Variants in MACROD2 observed in about 807,000 individuals in gnomAD.
MACROD2 encodes ADP-ribose glycohydrolase MACROD2.
MACROD2 carries 36 observed loss-of-function variants against 70.4 expected under a neutral mutation model. That is an observed-to-expected ratio of 0.51 (90% CI 0.39 to 0.68). The LOEUF (loss-of-function observed/expected upper bound fraction) is 0.68. MACROD2 is among the 30% of genes least tolerant of loss of function. The pLI is 0.00. For missense variants in MACROD2, 496 were observed against 538.4 expected, an observed-to-expected ratio of 0.92 and a Z score of 0.78; for synonymous variants, 172 against 178.8, an observed-to-expected ratio of 0.96 and a Z score of 0.30.
chr20:15,354,364 C>T (rs981888886), intron 6 of MACROD2, among the ~76,000 whole-genome samples: 10 of 151,354 alleles, frequency 6.6e-5, no homozygotes, highest in Admixed American at 3.3e-4. Flanking sequence ...GTGGGGGTAG[C>T]GGGGAGGGAT....
intron 8 of MACROD2, among the ~76,000 whole-genome samples, chr20:15,569,824 T>G (rs1006037422): frequency 6.6e-6 from 1 of 152,176 alleles, no homozygotes; most frequent in Non-Finnish European, 1.5e-5. Context: ...AGGATTTCCT[T>G]CTTGTATGGC....
chr20:14,891,040 C>T (rs2073753681), intron 5 of MACROD2, among the ~76,000 whole-genome samples: 1 of 138,636 alleles, frequency 7.2e-6, no homozygotes, highest in African/African-American at 2.7e-5. Flanking sequence ...CCTTCCTTTT[C>T]CTCCTTTCCT....
At chr20:14,431,991 T>C (rs2083999724) in intron 3 of MACROD2, among the ~76,000 whole-genome samples, 1 of 152,228 alleles carries the variant, frequency 6.6e-6, no homozygotes, top group Admixed American at 6.5e-5. Context: ...CCAGCCATGC[T>C]GACTATCTGT....
At chr20:15,951,543 T>G (rs116148049) in intron 12 of MACROD2, among the ~76,000 whole-genome samples, 443 of 152,224 alleles carry the variant, frequency 2.9e-3, no homozygotes, top group African/African-American at 0.01. Flanking sequence ...AAATTAGCCC[T>G]GTTATTTTGC....
intron 5 of MACROD2, among the ~76,000 whole-genome samples, chr20:15,092,520 TTTTA>T (rs2075800249): frequency 6.6e-6 from 1 of 150,930 alleles, no homozygotes; most frequent in Non-Finnish European, 1.5e-5. Flanking sequence ...CTTAGGTTTT[TTTTA>T]TTTTCTAGGA....
In MACROD2 at chr20:14,382,307, G is replaced by A. The variant is rs555765279; in HGVS notation, c.272-111172G>A. 5.9e-4 allele frequency among the ~76,000 whole-genome samples: 82 copies of A among 138,724 alleles called. 1 individual carries two copies. The Middle Eastern group carries it at 0.011, about 19-fold the overall frequency. 91.0% of individuals were successfully genotyped at this position (138,724 alleles called of 152,430 possible). A position where few individuals can be genotyped will look rare whatever the true frequency, so the allele number is the denominator to read the frequency against. On this transcript the variant is annotated intron_variant, in intron 3 of 17. Coordinates refer to ENST00000684519, the MANE Select transcript of MACROD2 (RefSeq NM_001351661.2). ...GAGCTCCTGACCTTGTGATCCGCCC[G>A]CCTTGGCCTCTCAAAGTGCTGGGAT...
At chr20:15,470,340 C>T (rs1235294508) in intron 7 of MACROD2, among the ~76,000 whole-genome samples, 2 of 152,180 alleles carry the variant, frequency 1.3e-5, no homozygotes, top group African/African-American at 2.4e-5. Context: ...TGAGCCACTG[C>T]GCCCAGCCCT....
chr20:14,920,134 G>A (rs566780085), intron 5 of MACROD2, among the ~76,000 whole-genome samples: 2 of 152,246 alleles, frequency 1.3e-5, no homozygotes, highest in Admixed American at 6.5e-5. Context: ...GAGTTAACCC[G>A]CGCCTGGTTC....
intron 5 of MACROD2, among the ~76,000 whole-genome samples, chr20:15,100,762 A>G (rs2075866081): frequency 6.6e-6 from 1 of 152,144 alleles, no homozygotes; most frequent in Admixed American, 6.5e-5. Flanking sequence ...GTGAAAGCAA[A>G]TGCTGACTCA....
intron 8 of MACROD2, among the ~76,000 whole-genome samples, chr20:15,665,037 A>G (rs1297577305): frequency 6.6e-6 from 1 of 152,158 alleles, no homozygotes. Context: ...GATAAAAGGT[A>G]ATTAGGCAGT....
chr20:15,298,384 C>A (rs1233786574), intron 6 of MACROD2, among the ~76,000 whole-genome samples: 1 of 152,160 alleles, frequency 6.6e-6, no homozygotes, highest in Non-Finnish European at 1.5e-5. Context: ...CTGCTCTGAG[C>A]TCTGTGACAG....
intron 5 of MACROD2, among the ~76,000 whole-genome samples, chr20:14,890,769 A>AT (rs201766181): frequency 1.5e-5 from 1 of 67,106 alleles, no homozygotes; most frequent in Non-Finnish European, 2.7e-5. Context: ...AAAAAAAAAA[A>AT]TAATAAAAAT....
rs1009077444 is a variant in MACROD2, at chr20:14,854,336, A to G, written c.418+169377A>G. 5.3e-5 allele frequency among the ~76,000 whole-genome samples: 8 copies of G among 152,174 alleles called. 1 individual carries two copies. Among genetic ancestry groups the G allele is most frequent in the Non-Finnish European group, 7.4e-5 (5 of 68,012 alleles). On this transcript the variant is annotated intron_variant, in intron 5 of 17. Coordinates refer to ENST00000684519, the MANE Select transcript of MACROD2 (RefSeq NM_001351661.2). ...TGTTCTTGAATTTGCTTTATAAAAA[A>G]TGGGATCTGGGAGCCTTGTTAATTA...
chr20:14,978,637 C>T lies in MACROD2; in HGVS notation c.419-251303C>T, dbSNP rs192682920. Among the ~76,000 whole-genome samples, 599 of 147,264 alleles carry T rather than the reference C, an allele frequency of 4.1e-3. 6 individuals carry two copies. The highest frequency in any genetic ancestry group is 0.015 in the African/African-American group (574 of 39,524). ...TTATTTCCCAACCCCCCCACCCCAC[C>T]CCATGAAAGGAAGAAGGAGGAGACA... On this transcript the variant is annotated intron_variant, in intron 5 of 17. Coordinates refer to ENST00000684519, the MANE Select transcript of MACROD2 (RefSeq NM_001351661.2).
At chr20:14,955,092 T>C (rs1332847425) in intron 5 of MACROD2, among the ~76,000 whole-genome samples, 1 of 7,596 alleles carries the variant, frequency 1.3e-4, no homozygotes, top group Non-Finnish European at 4.8e-4. Context: ...GTATTAAATA[T>C]ATTAAATATA....
intron 3 of MACROD2, among the ~76,000 whole-genome samples, chr20:14,096,999 T>G (rs1569157391): frequency 1.3e-5 from 2 of 152,216 alleles, no homozygotes; most frequent in Non-Finnish European, 2.9e-5. Flanking sequence ...AGTTTCCTCC[T>G]TATTTCTTGC....
At chr20:15,619,163 G>A (rs1316898020) in intron 8 of MACROD2, among the ~76,000 whole-genome samples, 1 of 152,206 alleles carries the variant, frequency 6.6e-6, no homozygotes, top group Non-Finnish European at 1.5e-5. Flanking sequence ...CAGGCCGCAT[G>A]ACTCCTAAAC....
intron 8 of MACROD2, among the ~76,000 whole-genome samples, chr20:15,841,908 C>T (rs184134136): frequency 2.6e-5 from 4 of 152,176 alleles, no homozygotes; most frequent in East Asian, 3.9e-4. Context: ...ACCCCATTTC[C>T]TCTTATATAG....
chr20:14,988,088 G>A (rs1168332348), intron 5 of MACROD2, among the ~76,000 whole-genome samples: 5 of 152,020 alleles, frequency 3.3e-5, no homozygotes, highest in African/African-American at 4.8e-5. Context: ...TACAGGTCAG[G>A]CACGGTGGCT....
Sources: allele counts gnomAD v4.1 joint callset (sites outside exome capture counted in the v4.1 genomes callset), GRCh38; gene constraint gnomAD v4.1.1; transcripts MANE v1.5; gene names NCBI Gene and HGNC (gene_info 2026-07-23, HGNC 2026-07-21).